The following USP13 variants were observed in gnomAD, a reference collection of about 807,000 sequenced individuals.
The protein encoded by USP13 is ubiquitin specific peptidase 13.
A neutral mutation model predicts 107.8 loss-of-function variants in USP13; 68 were observed. The ratio of observed to expected loss-of-function variants is 0.63; its 90% CI spans 0.52 to 0.77. USP13 has a LOEUF of 0.77. Ranked by LOEUF, USP13 falls within the 30% of genes least tolerant of loss-of-function variation. The pLI is 0.00. For synonymous variants in USP13, 377 were observed against 389.5 expected, an observed-to-expected ratio of 0.97 and a Z score of 0.38; for missense variants, 945 against 1,093.3, an observed-to-expected ratio of 0.86 and a Z score of 1.91.
intron 1 of USP13, among the ~76,000 whole-genome samples, chr3:179,665,980 G>A (rs115565973): frequency 0.014 from 2,153 of 152,288 alleles, 47 homozygotes; most frequent in African/African-American, 0.049. Flanking sequence ...AGTTACTGGC[G>A]TGGACAACTG....
intron 3 of USP13, among the ~76,000 whole-genome samples, chr3:179,696,602 G>A (rs1379528526): frequency 1.3e-5 from 2 of 152,168 alleles, no homozygotes; most frequent in African/African-American, 2.4e-5. Flanking sequence ...AAAGTGCTGG[G>A]ATTACAGGCG....
intron 6 of USP13, among the ~76,000 whole-genome samples, chr3:179,709,252 T>A (rs1347839661): frequency 6.6e-6 from 1 of 152,202 alleles, no homozygotes; most frequent in Non-Finnish European, 1.5e-5. Flanking sequence ...TTGCTGCTGT[T>A]GTTATTATCC....
chr3:179,756,915 T>C, intron 15 of USP13, 137 bp from the exon 16 acceptor site: 1 of 818,504 alleles, frequency 1.2e-6, no homozygotes, highest in African/African-American at 1.7e-5. Flanking sequence ...CTGCGTGTGG[T>C]TGAGGGATTG....
chr3:179,776,858 GTTTTTTTTT>G (rs71628094), intron 19 of USP13, among the ~76,000 whole-genome samples: 2 of 78,302 alleles, frequency 2.6e-5, no homozygotes, highest in South Asian at 1.1e-3. Flanking sequence ...TAGAGTGCTG[GTTTTTTTTT>G]TTTTTTTTTT....
chr3:179,679,008 C>T (rs914487714), intron 1 of USP13, among the ~76,000 whole-genome samples: 3 of 152,068 alleles, frequency 2.0e-5, no homozygotes, highest in Admixed American at 6.6e-5. Flanking sequence ...TTGCTTATTG[C>T]AATGTATATG....
rs1715915419 is a variant in USP13 at position 179,786,357 on chromosome 3, A to G, written c.*2216A>G. 1 of 152,222 alleles carries G rather than the reference A, an allele frequency of 6.6e-6. No homozygotes were observed. The highest frequency in any genetic ancestry group is 1.5e-5 in the Non-Finnish European group (1 of 68,038). 9.4% of individuals were successfully genotyped at this position (152,222 alleles called of 1,614,324 possible). On this transcript the variant is annotated 3_prime_UTR_variant, in exon 21 of 21. Transcript: ENST00000263966. ...AAATGTGGACAAAGATAGCATGTGT[A>G]TTTTGAATAAAATAAAAATTTTGTA... is the stretch of plus-strand genomic sequence containing the variant.
At chr3:179,736,328 C>A (rs1044659129) in intron 10 of USP13, among the ~76,000 whole-genome samples, 1 of 152,140 alleles carries the variant, frequency 6.6e-6, no homozygotes, top group Non-Finnish European at 1.5e-5. Context: ...TTTTTCAGAG[C>A]CTGACTTTCT....
Position 179,721,480 on chromosome 3 carries a change from CTG to C in USP13, c.980_981del (p.Leu327GlnfsTer46). ...AGTGATCCAGGAGTCGGGCACGAAA[CTG>C]AAGCCAATGTATGGTCCTGGCTACA... ...WEVIQESGTK[L>X]KPMYGPGYTG... On this transcript the variant is annotated frameshift_variant, in exon 8 of 21. Coordinates refer to ENST00000263966, the MANE Select transcript of USP13 (RefSeq NM_003940.3). LOFTEE classifies it high-confidence loss of function. This position sits in a 1 kb window ranked among gnomAD's most constrained non-coding sequence, Gnocchi z 4.3. 6.2e-7 allele frequency: 1 copy of C among 1,614,182 alleles called. No individual in the cohort carries two copies. Among genetic ancestry groups the C allele is most frequent in the Non-Finnish European group, 8.5e-7 (1 of 1,180,036 alleles).
chr3:179,770,233 C>T (rs185578702), intron 19 of USP13, among the ~76,000 whole-genome samples: 1 of 152,266 alleles, frequency 6.6e-6, no homozygotes, highest in East Asian at 1.9e-4. Context: ...GATCACTTTA[C>T]AATATTGAGT....
At chr3:179,771,290 ACT>A (rs915848722) in intron 19 of USP13, among the ~76,000 whole-genome samples, 5 of 151,986 alleles carry the variant, frequency 3.3e-5, no homozygotes, top group Admixed American at 2.6e-4. Context: ...AGAGCCTGAG[ACT>A]CTGTGAGACT....
At chr3:179,673,759 G>T (rs968171821) in intron 1 of USP13, among the ~76,000 whole-genome samples, 1 of 152,196 alleles carries the variant, frequency 6.6e-6, no homozygotes, top group Non-Finnish European at 1.5e-5. Context: ...TTTAGATAAT[G>T]CTTTCCTGGC....
intron 13 of USP13, among the ~76,000 whole-genome samples, chr3:179,746,207 A>AT (rs1714401704): frequency 6.8e-6 from 1 of 147,302 alleles, no homozygotes; most frequent in Non-Finnish European, 1.5e-5. Flanking sequence ...TTTTATATAT[A>AT]AAATGTATAT....
chr3:179,690,069 C>T (rs950450541), intron 2 of USP13, among the ~76,000 whole-genome samples, 172 bp from the exon 3 acceptor site: 1 of 152,172 alleles, frequency 6.6e-6, no homozygotes, highest in Non-Finnish European at 1.5e-5. Context: ...TTGCCCTTCA[C>T]CTACCTGCAT....
intron 2 of USP13, among the ~76,000 whole-genome samples, chr3:179,688,113 CCA>C (rs1711948276): frequency 2.7e-5 from 4 of 150,298 alleles, no homozygotes; most frequent in Admixed American, 6.6e-5. Flanking sequence ...ATCCATCCAT[CCA>C]TCCATCCATC....
Position 179,721,701 on chromosome 3 carries a change from C to A in USP13, c.1088+112C>A. On this transcript the variant is annotated intron_variant, in intron 8 of 20. Transcript: ENST00000263966. This position sits in a 1 kb window ranked among gnomAD's most constrained non-coding sequence, Gnocchi z 4.3. ...TCTTTATTGCTTCAGGACATTTTGC[C>A]ACCTTTTCTCTGGCCTGCCTTCTAC... 1 of 1,175,524 alleles carries A rather than the reference C, an allele frequency of 8.5e-7. No individual in the cohort carries two copies. The highest frequency in any genetic ancestry group is 1.2e-6 in the Non-Finnish European group (1 of 849,090). 72.8% of individuals were successfully genotyped at this position (1,175,524 alleles called of 1,614,324 possible). A position where few individuals can be genotyped will look rare whatever the true frequency, so the allele number is the denominator to read the frequency against.
chr3:179,692,910 T>C (rs1368027513), intron 3 of USP13, among the ~76,000 whole-genome samples: 1 of 152,206 alleles, frequency 6.6e-6, no homozygotes, highest in Non-Finnish European at 1.5e-5. Context: ...CATTCTTCCG[T>C]AGGGGACTAC....
At chr3:179,758,600 G>A (rs897231395) in intron 16 of USP13, among the ~76,000 whole-genome samples, 4 of 151,304 alleles carry the variant, frequency 2.6e-5, no homozygotes, top group African/African-American at 7.3e-5. Flanking sequence ...CCGGGTTCAC[G>A]CCATTCTCCT....
chr3:179,661,137 T>G (rs184663726), intron 1 of USP13, among the ~76,000 whole-genome samples: 120 of 152,330 alleles, frequency 7.9e-4, no homozygotes, highest in African/African-American at 2.7e-3. Flanking sequence ...GAAAGGCAAG[T>G]AACTTCATGT....
chr3:179,708,699 C>T, intron 5 of USP13, 74 bp from the exon 6 acceptor site: 1 of 1,554,792 alleles, frequency 6.4e-7, no homozygotes, highest in Non-Finnish European at 8.8e-7. Context: ...CTACTTGAAA[C>T]CCTCTGTCTT....
Sources: gnomAD v4.1 joint callset for allele counts (sites outside exome capture counted in the v4.1 genomes callset) on GRCh38, gnomAD v4.1.1 for gene constraint, Gnocchi (gnomAD v3.1) non-coding constraint, MANE v1.5 for transcripts, NCBI Gene and HGNC (gene_info 2026-07-23, HGNC 2026-07-21) for gene names.